CNTNAP2: variants seen among roughly 807,000 people sequenced by gnomAD.
CNTNAP2 encodes contactin associated protein 2, also known as contactin-associated protein-like 2.
In CNTNAP2, 98 loss-of-function variants were observed where a neutral mutation model predicts 155.2. The observed-to-expected ratio is 0.63, with a 90% CI of 0.54 to 0.75. CNTNAP2 has a LOEUF of 0.75. Ranked by LOEUF, CNTNAP2 falls within the 30% of genes least tolerant of loss-of-function variation. The pLI is 0.00. For missense variants in CNTNAP2, 1,727 were observed against 1,688.1 expected (o/e 1.02, Z -0.40); for synonymous variants, 651 against 631.2 (o/e 1.03, Z -0.47).
intron 1 of CNTNAP2, among the ~76,000 whole-genome samples, chr7:146,720,915 CTCTA>C (rs1385603607): frequency 4.3e-5 from 6 of 140,566 alleles, no homozygotes; most frequent in South Asian, 2.2e-4. Flanking sequence ...TATATATACT[CTCTA>C]TATATTCTAT....
At chr7:147,367,249 G>A (rs1796248387) in intron 9 of CNTNAP2, among the ~76,000 whole-genome samples, 1 of 152,138 alleles carries the variant, frequency 6.6e-6, no homozygotes, top group Non-Finnish European at 1.5e-5. Context: ...AGGAAATAGG[G>A]CCACATCCTA....
intron 10 of CNTNAP2, among the ~76,000 whole-genome samples, chr7:147,446,854 A>G (rs1797748090): frequency 6.6e-6 from 1 of 152,186 alleles, no homozygotes; most frequent in African/African-American, 2.4e-5. Context: ...TGTTAGGTTA[A>G]AAGAATTTTA....
chr7:147,324,648 A>C (rs946624441), intron 9 of CNTNAP2, among the ~76,000 whole-genome samples: 1 of 152,130 alleles, frequency 6.6e-6, no homozygotes, highest in Admixed American at 6.5e-5. Flanking sequence ...GTATATTTTA[A>C]ATTTATATGG....
At chr7:146,618,941 G>A (rs1390606869) in intron 1 of CNTNAP2, among the ~76,000 whole-genome samples, 1 of 151,812 alleles carries the variant, frequency 6.6e-6, no homozygotes, top group Admixed American at 6.6e-5. Context: ...GTGGTGGTGG[G>A]GGCCTATAAT....
At chr7:146,248,817 A>C (rs776978208) in intron 1 of CNTNAP2, among the ~76,000 whole-genome samples, 8 of 152,166 alleles carry the variant, frequency 5.3e-5, no homozygotes, top group Non-Finnish European at 1.2e-4. Flanking sequence ...ACCAAATTTC[A>C]TGCGCCTCCG....
At chr7:146,478,967 G>A (rs896872405) in intron 1 of CNTNAP2, among the ~76,000 whole-genome samples, 2 of 152,086 alleles carry the variant, frequency 1.3e-5, no homozygotes, top group Admixed American at 6.6e-5. Context: ...TTCCTTTTCT[G>A]TTCTCTACTC....
At chr7:147,089,713 C>T (rs1800358212) in intron 4 of CNTNAP2, among the ~76,000 whole-genome samples, 1 of 152,128 alleles carries the variant, frequency 6.6e-6, no homozygotes, top group Non-Finnish European at 1.5e-5. Context: ...GGTGTTATGA[C>T]ACTGAATTCC....
At chr7:147,948,687 A>G (rs934844452) in intron 14 of CNTNAP2, among the ~76,000 whole-genome samples, 1 of 150,644 alleles carries the variant, frequency 6.6e-6, no homozygotes, top group Non-Finnish European at 1.5e-5. Flanking sequence ...GTGTATATAT[A>G]TACAGTTGAC....
Position 146,369,358 on chromosome 7 carries a change from A to G in CNTNAP2, c.97+252385A>G, listed in dbSNP as rs7802091. Among the ~76,000 whole-genome samples, 1,428 of 152,226 alleles carry G rather than the reference A, an allele frequency of 9.4e-3. 22 individuals are homozygous for G. Among genetic ancestry groups the G allele is most frequent in the African/African-American group, 0.032 (1,311 of 41,558 alleles). Reference sequence around the variant, plus strand: ...TAGGAATGTTTTGATGTTTCGTACAATAATTCAAGTTGCAAGAAATAAGCA... The same window carrying G: ...TAGGAATGTTTTGATGTTTCGTACAGTAATTCAAGTTGCAAGAAATAAGCA... On this transcript the variant is annotated intron_variant, in intron 1 of 23. Coordinates refer to ENST00000361727, the MANE Select transcript of CNTNAP2 (RefSeq NM_014141.6).
chr7:148,199,773 A>T (rs888116854), intron 18 of CNTNAP2, among the ~76,000 whole-genome samples: 1 of 152,216 alleles, frequency 6.6e-6, no homozygotes, highest in African/African-American at 2.4e-5. Flanking sequence ...ATAGAGAGAG[A>T]TACATAAGAG....
At position 146,550,415 on chromosome 7, in the gene CNTNAP2, T is replaced by TGTTTTG. The variant is rs1554447439; in HGVS notation, c.98-223856_98-223855insGTTTTG. On this transcript the variant is annotated intron_variant, in intron 1 of 23. Transcript: ENST00000361727. Reference sequence around the variant, plus strand: ...TCCATTAATCTGTTTTTTTTTTTTTTTTTTTTTTTTTTTTATAAAGTACCC... The same window carrying TGTTTTG: ...TCCATTAATCTGTTTTTTTTTTTTTTGTTTTGTTTTTTTTTTTTTTATAAAGTACCC... 5.0e-3 allele frequency among the ~76,000 whole-genome samples: 580 copies of TGTTTTG among 115,814 alleles called. 32 individuals carry two copies. The South Asian group carries it at 0.077, about 15-fold the overall frequency. The allele number at this position is 115,814 out of a possible 152,430, so 76.0% of individuals were successfully genotyped here. A position where few individuals can be genotyped will look rare whatever the true frequency, so the allele number is the denominator to read the frequency against.
chr7:147,429,179 A>AT, intron 10 of CNTNAP2, among the ~76,000 whole-genome samples: 1 of 151,114 alleles, frequency 6.6e-6, no homozygotes, highest in Admixed American at 6.6e-5. Context: ...TATACACCAC[A>AT]TTTTGTTTAT....
intron 3 of CNTNAP2, among the ~76,000 whole-genome samples, chr7:146,896,341 C>T (rs1795875778): frequency 6.6e-6 from 1 of 152,046 alleles, no homozygotes; most frequent in African/African-American, 2.4e-5. Context: ...AACTCTTTTA[C>T]TTGGGTGATG....
At chr7:148,312,896 T>G in intron 21 of CNTNAP2, among the ~76,000 whole-genome samples, 1 of 134,410 alleles carries the variant, frequency 7.4e-6, no homozygotes. Context: ...ACTTGTGGGT[T>G]AAGGTGGGGA....
intron 20 of CNTNAP2, among the ~76,000 whole-genome samples, chr7:148,256,591 G>A (rs908116509): frequency 6.6e-6 from 1 of 152,190 alleles, no homozygotes; most frequent in African/African-American, 2.4e-5. Flanking sequence ...CCGAGAAGAG[G>A]AAACACATAC....
intron 1 of CNTNAP2, among the ~76,000 whole-genome samples, chr7:146,642,611 A>G (rs1356067124): frequency 8.6e-5 from 13 of 151,820 alleles, no homozygotes; most frequent in African/African-American, 2.7e-4. Context: ...TAGTGCCGCA[A>G]TAAACATACG....
At chr7:148,172,715 T>A (rs1794844467) in intron 18 of CNTNAP2, among the ~76,000 whole-genome samples, 1 of 152,190 alleles carries the variant, frequency 6.6e-6, no homozygotes, top group South Asian at 2.1e-4. Flanking sequence ...TTCTAGCAAA[T>A]TATTCACTGC....
chr7:147,240,969 C>T (rs1041901835), intron 8 of CNTNAP2, among the ~76,000 whole-genome samples: 3 of 152,080 alleles, frequency 2.0e-5, no homozygotes, highest in Non-Finnish European at 2.9e-5. Flanking sequence ...TCTGTTTTCT[C>T]GATTTTGTAA....
At chr7:148,132,095 T>C (rs1307849416) in intron 16 of CNTNAP2, among the ~76,000 whole-genome samples, 1 of 152,224 alleles carries the variant, frequency 6.6e-6, no homozygotes, top group Non-Finnish European at 1.5e-5. Context: ...AATTTGTACT[T>C]GTATCCCCTC....
Sources: gnomAD v4.1 joint callset for allele counts (sites outside exome capture counted in the v4.1 genomes callset) on GRCh38, gnomAD v4.1.1 for gene constraint, MANE v1.5 for transcripts, NCBI Gene and HGNC (gene_info 2026-07-23, HGNC 2026-07-21) for gene names.